EPB41L2: variants seen among roughly 807,000 people sequenced by gnomAD.
EPB41L2 encodes band 4.1-like protein 2.
In EPB41L2, 43 loss-of-function variants were observed where a neutral mutation model predicts 113.0. The ratio of observed to expected loss-of-function variants is 0.38; its 90% CI spans 0.30 to 0.49. The LOEUF (loss-of-function observed/expected upper bound fraction) is 0.49. Ranked by LOEUF, EPB41L2 falls within the 20% of genes least tolerant of loss-of-function variation. The pLI is 0.95. For synonymous variants in EPB41L2, 442 were observed against 436.7 expected (o/e 1.01, Z -0.15); for missense variants, 1,147 against 1,223.4 (o/e 0.94, Z 0.93).
chr6:130,845,950 T>C (rs1776920325), intron 19 of EPB41L2, among the ~76,000 whole-genome samples: 2 of 152,338 alleles, frequency 1.3e-5, no homozygotes, highest in Middle Eastern at 3.4e-3. Context: ...CCACCTTTCT[T>C]ACTTGAGAGA....
At chr6:130,844,936 G>C (rs1423946523) in intron 19 of EPB41L2, among the ~76,000 whole-genome samples, 1 of 152,144 alleles carries the variant, frequency 6.6e-6, no homozygotes. Context: ...CCAGCTACTG[G>C]GGGGCTGAGG....
Position 130,956,078 on chromosome 6 carries a change from T to C in EPB41L2, c.408A>G (p.Lys136=), listed in dbSNP as rs763318080. The C allele has an allele frequency of 6.2e-7, 1 of 1,614,040 alleles. No individual in the cohort carries two copies. The highest frequency in any genetic ancestry group is 1.3e-5 in the African/African-American group (1 of 74,920). ...KGDAEEMAQK[K]QEIKVEVKEE... is the part of the protein sequence containing the mutation. ...CCTTGACTTCAACTTTAATCTCTTG[T>C]TTCTTCTGAGCCATTTCTTCAGCAT... Residue 136 remains lysine (K), a synonymous_variant, in exon 2 of 20, where the codon AAA becomes AAG. Coordinates refer to ENST00000337057, the MANE Select transcript of EPB41L2 (RefSeq NM_001431.4).
intron 1 of EPB41L2, among the ~76,000 whole-genome samples, chr6:131,028,708 G>A (rs1432856610): frequency 6.6e-6 from 1 of 152,072 alleles, no homozygotes; most frequent in Admixed American, 6.6e-5. Context: ...CCAGTTTCAT[G>A]GAAAATTCTT....
intron 1 of EPB41L2, among the ~76,000 whole-genome samples, chr6:131,020,550 T>C (rs1374969465): frequency 6.6e-6 from 1 of 152,222 alleles, no homozygotes; most frequent in African/African-American, 2.4e-5. Context: ...ATCACTGGAG[T>C]TATTCACAGT....
At chr6:130,888,907 C>T (rs906997335) in intron 11 of EPB41L2, among the ~76,000 whole-genome samples, 1 of 152,182 alleles carries the variant, frequency 6.6e-6, no homozygotes, top group East Asian at 1.9e-4. Flanking sequence ...TCCCAACCAA[C>T]AAATCCTGGC....
At chr6:130,962,571 C>T (rs1263947511) in intron 1 of EPB41L2, among the ~76,000 whole-genome samples, 1 of 152,052 alleles carries the variant, frequency 6.6e-6, no homozygotes, top group Non-Finnish European at 1.5e-5. Context: ...CACTATATCA[C>T]TTGTTTATTT....
intron 1 of EPB41L2, among the ~76,000 whole-genome samples, chr6:130,975,602 C>A (rs1778006129): frequency 6.6e-6 from 1 of 152,198 alleles, no homozygotes; most frequent in Non-Finnish European, 1.5e-5. Flanking sequence ...TTTTGGTTAT[C>A]TCACTTCTGC....
chr6:130,911,864 C>A (rs1583363558), intron 4 of EPB41L2, among the ~76,000 whole-genome samples: 1 of 151,824 alleles, frequency 6.6e-6, no homozygotes, highest in Admixed American at 6.6e-5. Context: ...AAGTTTTACT[C>A]ATTCTAAGCA....
intron 19 of EPB41L2, among the ~76,000 whole-genome samples, chr6:130,846,120 G>A (rs536188672): frequency 6.6e-6 from 1 of 152,266 alleles, no homozygotes; most frequent in South Asian, 2.1e-4. Flanking sequence ...GGAAAATGGT[G>A]TTTTGGCCAC....
intron 4 of EPB41L2, among the ~76,000 whole-genome samples, chr6:130,916,547 T>G (rs1801155715): frequency 6.6e-6 from 1 of 152,214 alleles, no homozygotes; most frequent in African/African-American, 2.4e-5. Context: ...GGCCTAACTC[T>G]TGCCTCAGTG....
chr6:130,889,935 C>G (rs1792237961), intron 11 of EPB41L2, among the ~76,000 whole-genome samples: 6 of 152,120 alleles, frequency 3.9e-5, no homozygotes, highest in Admixed American at 3.9e-4. Flanking sequence ...CAGCTGAACA[C>G]CCCAAATCTG....
At chr6:130,971,783 A>G (rs1776847866) in intron 1 of EPB41L2, among the ~76,000 whole-genome samples, 2 of 152,244 alleles carry the variant, frequency 1.3e-5, no homozygotes, top group Admixed American at 6.5e-5. Context: ...CCTACTGTAC[A>G]GCCTACTCAT....
Position 130,872,659 on chromosome 6 carries a change from G to GA in EPB41L2, c.2044-2534dup, listed in dbSNP as rs1163749440. 6 of 625,502 alleles carry GA rather than the reference G, an allele frequency of 9.6e-6. No individual in the cohort carries two copies. The African/African-American group carries it at 1.2e-4, about 12-fold the overall frequency. 38.7% of individuals were successfully genotyped at this position (625,502 alleles called of 1,614,324 possible). The stretch of plus-strand genomic sequence containing the variant: ...AACAACAGAACAGCATAAAATGAAA[G>GA]AAAAGATGAGAATTCTGACAGATTC... On this transcript the variant is annotated intron_variant, in intron 14 of 19. Transcript: ENST00000337057.
intron 1 of EPB41L2, among the ~76,000 whole-genome samples, chr6:131,013,138 T>A (rs568139932): frequency 6.6e-6 from 1 of 152,248 alleles, no homozygotes; most frequent in East Asian, 1.9e-4. Context: ...CAATTACCAG[T>A]AGTTACACAT....
chr6:130,858,834 A>G (rs1041666204), intron 18 of EPB41L2, among the ~76,000 whole-genome samples: 2 of 152,270 alleles, frequency 1.3e-5, no homozygotes, highest in Non-Finnish European at 2.9e-5. Context: ...AGAACTAAAG[A>G]GCAGTAGCAA....
chr6:130,889,910 A>C (rs1792229093), intron 11 of EPB41L2, among the ~76,000 whole-genome samples: 1 of 152,156 alleles, frequency 6.6e-6, no homozygotes, highest in Non-Finnish European at 1.5e-5. Context: ...TGAAATATGC[A>C]ATATATATAC....
chr6:131,045,088 G>A (rs1193271991), intron 1 of EPB41L2, among the ~76,000 whole-genome samples: 5 of 151,976 alleles, frequency 3.3e-5, no homozygotes, highest in Non-Finnish European at 1.5e-5. Flanking sequence ...TCAACAAGTT[G>A]CCCCCCAGTA....
At chr6:130,859,417 CAGG>C (rs546639962) in intron 18 of EPB41L2, among the ~76,000 whole-genome samples, 74 of 151,454 alleles carry the variant, frequency 4.9e-4, no homozygotes, top group Admixed American at 1.3e-3. Flanking sequence ...GTGGCTGAGG[CAGG>C]AGAATTGCCT....
intron 1 of EPB41L2, among the ~76,000 whole-genome samples, chr6:131,019,106 C>T (rs1383699654): frequency 1.3e-5 from 2 of 152,258 alleles, no homozygotes; most frequent in East Asian, 3.9e-4. Context: ...TTGGGGAAAA[C>T]TGTTATCTTT....
Sources: gnomAD v4.1 joint callset for allele counts (sites outside exome capture counted in the v4.1 genomes callset) on GRCh38, gnomAD v4.1.1 for gene constraint, MANE v1.5 for transcripts, NCBI Gene and HGNC (gene_info 2026-07-23, HGNC 2026-07-21) for gene names.